Variants in SCGB2B2 observed in about 807,000 individuals in gnomAD.
The protein encoded by SCGB2B2 is secretoglobin family 2B member 2.
Under a neutral mutation model 7.6 loss-of-function variants are expected in SCGB2B2, and 11 were observed. That is an observed-to-expected ratio of 1.45 (90% CI 0.91 to 2.40). The LOEUF is 2.40. SCGB2B2 is among the 30% of genes most tolerant of loss of function. SCGB2B2 has a pLI of 0.00. For missense variants in SCGB2B2, 104 were observed against 115.4 expected (o/e 0.90, Z 0.45); for synonymous variants, 50 against 48.6 (o/e 1.03, Z -0.12).
At chr19:34,642,576 C>A (rs184643173) in intron 1 of SCGB2B2, among the ~76,000 whole-genome samples, 2 of 151,804 alleles carry the variant, frequency 1.3e-5, no homozygotes, top group African/African-American at 4.8e-5. Flanking sequence ...ATTAGCCGGG[C>A]ATGGTGGCGG....
chr19:34,613,369 G>C (rs1387608567), intron 1 of SCGB2B2, among the ~76,000 whole-genome samples: 1 of 152,158 alleles, frequency 6.6e-6, no homozygotes, highest in East Asian at 1.9e-4. Context: ...AAAGTGCTGG[G>C]ATTACAGGTG....
chr19:34,619,302 C>T (rs935479061), intron 1 of SCGB2B2, among the ~76,000 whole-genome samples: 1 of 152,066 alleles, frequency 6.6e-6, no homozygotes, highest in Non-Finnish European at 1.5e-5. Flanking sequence ...ATATATAGGC[C>T]AAATATCAGC....
chr19:34,638,013 C>T (rs986657461), intron 1 of SCGB2B2: 4 of 152,090 alleles, frequency 2.6e-5, no homozygotes, highest in Admixed American at 2.0e-4. Context: ...TGGAGAAATC[C>T]CCAGTGATAA....
At chr19:34,590,426 A>G (rs954781108), downstream of SCGB2B2, among the ~76,000 whole-genome samples, 29 of 152,100 alleles carry the variant, frequency 1.9e-4, no homozygotes, top group African/African-American at 5.8e-4. Context: ...TCCATCATCT[A>G]TCCATAGATG....
rs200415254 is a variant in SCGB2B2 at position 34,648,896 on chromosome 19, T to TTTTA, written c.-2032+26730_-2032+26733dup. On this transcript the variant is annotated intron_variant, in intron 1 of 3. Coordinates refer to ENST00000601241, the MANE Select transcript of SCGB2B2 (RefSeq NM_001025591.4). Reference sequence around the variant, plus strand: ...TTGTTCTTTTTTATTTTATGATTTATTTTATTTATTTATTTATTTATTTTG... The same window carrying TTTTA: ...TTGTTCTTTTTTATTTTATGATTTATTTTATTTATTTATTTATTTATTTATTTTG... Among the ~76,000 whole-genome samples, 262 of 151,988 alleles carry TTTTA rather than the reference T, an allele frequency of 1.7e-3. 1 individual carries two copies. Among genetic ancestry groups the TTTTA allele is most frequent in the African/African-American group, 5.6e-3 (233 of 41,514 alleles).
chr19:34,602,529 A>G (rs1021492813), intron 1 of SCGB2B2, among the ~76,000 whole-genome samples: 1 of 152,116 alleles, frequency 6.6e-6, no homozygotes, highest in Non-Finnish European at 1.5e-5. Context: ...GGATTGCATC[A>G]TTCGGCTACG....
At chr19:34,612,779 T>C (rs931736912) in intron 1 of SCGB2B2, among the ~76,000 whole-genome samples, 1 of 152,218 alleles carries the variant, frequency 6.6e-6, no homozygotes, top group Non-Finnish European at 1.5e-5. Flanking sequence ...TGTAATTGTA[T>C]TGGAGTCTAT....
At chr19:34,600,873 T>C (rs2065602658) in intron 1 of SCGB2B2, among the ~76,000 whole-genome samples, 1 of 152,050 alleles carries the variant, frequency 6.6e-6, no homozygotes, top group South Asian at 2.1e-4. Flanking sequence ...AGTTTAAAGT[T>C]TACTATAATT....
chr19:34,635,656 TA>T, intron 1 of SCGB2B2: 1 of 203,014 alleles, frequency 4.9e-6, no homozygotes, highest in Admixed American at 5.3e-5. Context: ...TTTCTGTGGC[TA>T]AAGGCTTTCC....
At chr19:34,656,834 T>C (rs2067295404) in intron 1 of SCGB2B2, among the ~76,000 whole-genome samples, 1 of 151,130 alleles carries the variant, frequency 6.6e-6, no homozygotes, top group Non-Finnish European at 1.5e-5. Flanking sequence ...TAAGATAAAA[T>C]GCTATCAAGA....
intron 1 of SCGB2B2, among the ~76,000 whole-genome samples, chr19:34,597,647 G>A (rs751658781): frequency 2.6e-5 from 4 of 152,252 alleles, no homozygotes; most frequent in African/African-American, 9.6e-5. Flanking sequence ...CAGCCAGCCA[G>A]AGGGTGTGGG....
intron 1 of SCGB2B2, chr19:34,645,916 T>C (rs540809445): frequency 3.1e-5 from 8 of 258,706 alleles, no homozygotes; most frequent in Middle Eastern, 7.5e-4. Context: ...TATAAGTTGT[T>C]TGGGAGAGTT....
At chr19:34,665,053 C>G (rs1304704957) in intron 1 of SCGB2B2, among the ~76,000 whole-genome samples, 1 of 152,202 alleles carries the variant, frequency 6.6e-6, no homozygotes, top group Non-Finnish European at 1.5e-5. Flanking sequence ...GCACGGGATG[C>G]CTTTCTGACC....
intron 1 of SCGB2B2, among the ~76,000 whole-genome samples, chr19:34,659,539 T>C (rs2067390149): frequency 1.3e-5 from 2 of 152,120 alleles, no homozygotes; most frequent in Admixed American, 1.3e-4. Context: ...CCATTCACAA[T>C]TACTACAAAG....
At chr19:34,655,546 T>C (rs576881174) in intron 1 of SCGB2B2, among the ~76,000 whole-genome samples, 2 of 151,300 alleles carry the variant, frequency 1.3e-5, no homozygotes, top group Non-Finnish European at 2.9e-5. Flanking sequence ...CACGCACTGA[T>C]TGATGTATTA....
intron 1 of SCGB2B2, among the ~76,000 whole-genome samples, chr19:34,641,059 ATACT>A (rs2066826226): frequency 7.2e-6 from 1 of 138,572 alleles, no homozygotes. Flanking sequence ...GTGATGGTGA[ATACT>A]TAATCACCAT....
chr19:34,620,528 AG>A (rs1320287981), intron 1 of SCGB2B2, among the ~76,000 whole-genome samples: 1 of 13,206 alleles, frequency 7.6e-5, no homozygotes, highest in Non-Finnish European at 1.5e-4. Flanking sequence ...GGGTGGGGGG[AG>A]GGGGGAGGGA....
chr19:34,596,926 A>G (rs1243578277), intron 1 of SCGB2B2, among the ~76,000 whole-genome samples: 1 of 151,842 alleles, frequency 6.6e-6, no homozygotes, highest in Non-Finnish European at 1.5e-5. Context: ...CACAGCTGCA[A>G]GTGGAGCCAG....
chr19:34,610,212 T>C (rs991349625), intron 1 of SCGB2B2, among the ~76,000 whole-genome samples: 3 of 152,170 alleles, frequency 2.0e-5, no homozygotes, highest in Middle Eastern at 3.4e-3. Flanking sequence ...TTTTTCTTGG[T>C]CCTTTTAGGG....
Sources: gnomAD v4.1 joint callset for allele counts (sites outside exome capture counted in the v4.1 genomes callset) on GRCh38, gnomAD v4.1.1 for gene constraint, MANE v1.5 for transcripts, NCBI Gene and HGNC (gene_info 2026-07-23, HGNC 2026-07-21) for gene names.